DHRS7: variants seen among roughly 807,000 people sequenced by gnomAD.
The protein encoded by DHRS7 is dehydrogenase/reductase 7, also known as dehydrogenase/reductase SDR family member 7.
Under a neutral mutation model 38.9 loss-of-function variants are expected in DHRS7, and 34 were observed. The ratio of observed to expected loss-of-function variants is 0.87; its 90% CI spans 0.66 to 1.16. DHRS7 has a LOEUF of 1.16. Ranked by LOEUF, DHRS7 falls within the 50% of genes most tolerant of loss-of-function variation. The pLI, the probability that DHRS7 is intolerant of heterozygous loss-of-function variation, is 0.00. For missense variants in DHRS7, 421 were observed against 407.0 expected (o/e 1.03, Z -0.30); for synonymous variants, 158 against 153.1 (o/e 1.03, Z -0.24).
At chr14:60,164,856 C>T (rs143219411) in intron 1 of DHRS7, among the ~76,000 whole-genome samples, 93 of 152,278 alleles carry the variant, frequency 6.1e-4, no homozygotes, top group Non-Finnish European at 1.2e-3. Context: ...CCCTTGAGTC[C>T]TGCGTAAGAT....
chr14:60,168,677 T>C, upstream of DHRS7: 1 of 1,548,290 alleles, frequency 6.5e-7, no homozygotes, highest in Non-Finnish European at 8.7e-7. Context: ...CTTCTCTTTT[T>C]TCTCCCCTCT....
At position 60,144,679 on chromosome 14, in the gene DHRS7, A is replaced by G. The variant is rs1053085772; in HGVS notation, c.*287T>C. The G allele has an allele frequency of 3.5e-6, 1 of 283,502 alleles. No homozygotes were observed. Among genetic ancestry groups the G allele is most frequent in the Admixed American group, 5.2e-5 (1 of 19,296 alleles). 17.6% of individuals were successfully genotyped at this position (283,502 alleles called of 1,614,324 possible). A position where few individuals can be genotyped will look rare whatever the true frequency, so the allele number is the denominator to read the frequency against. On this transcript the variant is annotated 3_prime_UTR_variant, in exon 7 of 7. Coordinates refer to ENST00000557185, the MANE Select transcript of DHRS7 (RefSeq NM_016029.4). ...CTGTGGTATTTTGTTATAGCAGCAC[A>G]AATGGACTAAGACAAATCTGTTAAC...
rs776858299 is a variant in DHRS7 at position 60,165,215 on chromosome 14, A to C, written c.95T>G (p.Leu32Arg). ...CTGCCACTCGGCCCATAGTAGCGTC[A>C]GGTCGCCGTCAGCCCTCAGGAAGCG... ...LLRFLRADGD[L>R]TLLWAEWQGR... The change falls in exon 1 of 7, where the codon CTG (leucine) becomes CGG (arginine). Residue 32 changes from leucine (L) to arginine (R), a missense_variant. Coordinates refer to ENST00000557185, the MANE Select transcript of DHRS7 (RefSeq NM_016029.4). This position sits in a 1 kb window ranked among gnomAD's most constrained non-coding sequence, Gnocchi z 4.6. The C allele has an allele frequency of 1.2e-6, 2 of 1,612,342 alleles. No individual in the cohort carries two copies.
chr14:60,156,492 G>C (rs909130637), intron 1 of DHRS7, among the ~76,000 whole-genome samples: 1 of 152,054 alleles, frequency 6.6e-6, no homozygotes, highest in Admixed American at 6.6e-5. Context: ...AAATATGATA[G>C]ATAAGATAAA....
In DHRS7 at chr14:60,145,700, T is replaced by G. The variant is rs1363124549; in HGVS notation, c.973-687A>C. 6.6e-6 allele frequency: 1 copy of G among 151,724 alleles called. No homozygotes were observed. The highest frequency in any genetic ancestry group is 1.9e-4 in the East Asian group (1 of 5,196). The allele number at this position is 151,724 out of a possible 1,614,324, so 9.4% of individuals were successfully genotyped here. Reference sequence around the variant, plus strand: ...AAAAAAAATAAAAAGAAAAAAAAATTATTTGTGAACTTTTTGTATATTGCT... The same window carrying G: ...AAAAAAAATAAAAAGAAAAAAAAATGATTTGTGAACTTTTTGTATATTGCT... On this transcript the variant is annotated intron_variant, in intron 6 of 6. Coordinates refer to ENST00000557185, the MANE Select transcript of DHRS7 (RefSeq NM_016029.4). This position sits in a 1 kb window ranked among gnomAD's most constrained non-coding sequence, Gnocchi z 4.0.
At chr14:60,167,830 A>G (rs900453987), upstream of DHRS7, among the ~76,000 whole-genome samples, 4 of 152,232 alleles carry the variant, frequency 2.6e-5, no homozygotes, top group Non-Finnish European at 4.4e-5. Context: ...AACAGTGGCC[A>G]TAGTGCCAGC....
intron 2 of DHRS7, among the ~76,000 whole-genome samples, chr14:60,154,688 T>C (rs922215240): frequency 6.6e-6 from 1 of 152,132 alleles, no homozygotes; most frequent in Admixed American, 6.5e-5. Flanking sequence ...CAAGCAAGTA[T>C]AGAAAATAGA....
At chr14:60,160,497 C>G in intron 1 of DHRS7, among the ~76,000 whole-genome samples, 1 of 151,648 alleles carries the variant, frequency 6.6e-6, no homozygotes, top group Non-Finnish European at 1.5e-5. Flanking sequence ...CAAATATTTT[C>G]ACTCCAGATT....
intron 4 of DHRS7, among the ~76,000 whole-genome samples, chr14:60,151,905 G>A (rs1896554252): frequency 6.6e-6 from 1 of 152,172 alleles, no homozygotes; most frequent in East Asian, 1.9e-4. Context: ...TATGAGACAC[G>A]TGGTGCCAAA....
chr14:60,151,836 A>G (rs536948367), intron 4 of DHRS7, among the ~76,000 whole-genome samples: 13 of 152,324 alleles, frequency 8.5e-5, no homozygotes, highest in Admixed American at 2.0e-4. Context: ...TAAAATAATG[A>G]GTCTTGGAGG....
upstream of DHRS7, chr14:60,169,132 C>CAAAAAAAAAAAAAAAAAAAAAAAAAAAA (rs1566539341): frequency 3.2e-5 from 1 of 31,098 alleles, no homozygotes; most frequent in African/African-American, 1.6e-4. Flanking sequence ...ACAAAAGAAA[C>CAAAAAAAAAAAAAAAAAAAAAAAAAAAA]CAAAAAAAAA....
At chr14:60,167,844 C>T (rs1010965598), upstream of DHRS7, among the ~76,000 whole-genome samples, 1 of 152,152 alleles carries the variant, frequency 6.6e-6, no homozygotes. Flanking sequence ...TGCCAGCTAG[C>T]CAGGGTGTCA....
chr14:60,165,475 C>A, upstream of DHRS7: 1 of 1,347,488 alleles, frequency 7.4e-7, no homozygotes, highest in Non-Finnish European at 9.5e-7. The surrounding 1 kb of genome is among the most constrained non-coding windows in gnomAD (Gnocchi z 4.6). Context: ...GCGCGCCGGG[C>A]TCAGCACTCG....
At position 60,165,107 on chromosome 14, in the gene DHRS7, G is replaced by A; in HGVS notation, c.133+70C>T. ...ACCCGGGATCACTGCAGAACCCCCG[G>A]AGACCCGGACACGCCTCGGCAGCTC... On this transcript the variant is annotated intron_variant, in intron 1 of 6. Transcript: ENST00000557185. This position sits in a 1 kb window ranked among gnomAD's most constrained non-coding sequence, Gnocchi z 4.6. The A allele has an allele frequency of 6.3e-7, 1 of 1,578,460 alleles. No individual in the cohort carries two copies. Among genetic ancestry groups the A allele is most frequent in the Admixed American group, 1.8e-5 (1 of 56,898 alleles).
At chr14:60,159,958 A>G (rs1382048670) in intron 1 of DHRS7, among the ~76,000 whole-genome samples, 2 of 152,230 alleles carry the variant, frequency 1.3e-5, no homozygotes, top group African/African-American at 4.8e-5. Context: ...TTGAAAACAA[A>G]AAGAGACTAT....
At position 60,146,689 on chromosome 14, in the gene DHRS7, GTA is replaced by G. The variant is rs56808858; in HGVS notation, c.973-1678_973-1677del. ...AAAATGTGTGTGTGTGTCTGTGTGT[GTA>G]TATATATATATGGAATATTATTCCA... On this transcript the variant is annotated intron_variant, in intron 6 of 6. Coordinates refer to ENST00000557185, the MANE Select transcript of DHRS7 (RefSeq NM_016029.4). The surrounding 1 kb of genome is among the most constrained non-coding windows in gnomAD (Gnocchi z 4.9). 2.6e-5 allele frequency: 4 copies of G among 151,060 alleles called. No homozygotes were observed. Among genetic ancestry groups the G allele is most frequent in the Non-Finnish European group, 4.4e-5 (3 of 67,744 alleles). The allele number at this position is 151,060 out of a possible 1,614,324, so 9.4% of individuals were successfully genotyped here. A position where few individuals can be genotyped will look rare whatever the true frequency, so the allele number is the denominator to read the frequency against.
chr14:60,166,450 A>T (rs1896868703), upstream of DHRS7: 1 of 165,668 alleles, frequency 6.0e-6, no homozygotes, highest in South Asian at 2.0e-4. Context: ...GAAACTAAAT[A>T]TGACTTTAAA....
rs1379551319 is a variant in DHRS7, at chr14:60,162,364, C to A, written c.133+2813G>T. On this transcript the variant is annotated intron_variant, in intron 1 of 6. Coordinates refer to ENST00000557185, the MANE Select transcript of DHRS7 (RefSeq NM_016029.4). The surrounding 1 kb of genome is among the most constrained non-coding windows in gnomAD (Gnocchi z 4.5). ...CTCCAGGCTGGGTGACAAAGCAAGA[C>A]CTTGTCTCTCTATTAAAAAAAAAAA... is the stretch of plus-strand genomic sequence containing the variant. Among the ~76,000 whole-genome samples, 3 of 150,528 alleles carry A rather than the reference C, an allele frequency of 2.0e-5. No individual in the cohort carries two copies. Among genetic ancestry groups the A allele is most frequent in the Non-Finnish European group, 3.0e-5 (2 of 67,750 alleles).
At chr14:60,164,178 A>ATTTTTTTTTT (rs61331316) in intron 1 of DHRS7, among the ~76,000 whole-genome samples, 1 of 118,910 alleles carries the variant, frequency 8.4e-6, no homozygotes. Flanking sequence ...GTATTACCAG[A>ATTTTTTTTTT]TTTTTTTTTT....
Sources: allele counts gnomAD v4.1 joint callset (sites outside exome capture counted in the v4.1 genomes callset), GRCh38; gene constraint gnomAD v4.1.1; non-coding constraint Gnocchi (gnomAD v3.1); transcripts MANE v1.5; gene names NCBI Gene and HGNC (gene_info 2026-07-23, HGNC 2026-07-21).